Variants in JAM2 observed in about 807,000 individuals in gnomAD.
JAM2 encodes the protein junctional adhesion molecule B.
Under a neutral mutation model 42.0 loss-of-function variants are expected in JAM2, and 17 were observed. The ratio of observed to expected loss-of-function variants is 0.40; its 90% CI spans 0.28 to 0.61. The LOEUF is 0.61. Among genes scored for constraint, JAM2 ranks in the 20% least tolerant of loss-of-function variants. JAM2 has a pLI of 0.37. For missense variants in JAM2, 319 were observed against 358.3 expected (o/e 0.89, Z 0.89); for synonymous variants, 118 against 128.6 (o/e 0.92, Z 0.56).
At chr21:25,650,790 A>C (rs1456038783) in intron 1 of JAM2, among the ~76,000 whole-genome samples, 3 of 152,184 alleles carry the variant, frequency 2.0e-5, no homozygotes, top group Non-Finnish European at 4.4e-5. Context: ...TGAGATTGGT[A>C]CATGAATAGA....
intron 1 of JAM2, among the ~76,000 whole-genome samples, chr21:25,681,851 G>A (rs975198462): frequency 9.2e-5 from 14 of 152,082 alleles, no homozygotes; most frequent in African/African-American, 3.4e-4. Context: ...GCGTCGTGGC[G>A]GGCGCCTGTA....
intron 7 of JAM2, among the ~76,000 whole-genome samples, chr21:25,708,896 A>G (rs1421916237): frequency 6.6e-6 from 1 of 152,186 alleles, no homozygotes; most frequent in African/African-American, 2.4e-5. Flanking sequence ...TCTATCCAAG[A>G]GAAGCATATT....
At chr21:25,670,539 C>T (rs2033335761) in intron 1 of JAM2, among the ~76,000 whole-genome samples, 1 of 152,046 alleles carries the variant, frequency 6.6e-6, no homozygotes, top group Admixed American at 6.6e-5. Context: ...AAACTCATTT[C>T]CTGACCATTC....
At chr21:25,691,950 A>G (rs930167470) in intron 3 of JAM2, among the ~76,000 whole-genome samples, 1 of 152,062 alleles carries the variant, frequency 6.6e-6, no homozygotes, top group Non-Finnish European at 1.5e-5. Flanking sequence ...AATGGCTTGC[A>G]GTAAGCCAAG....
At position 25,702,183 on chromosome 21, in the gene JAM2, T is replaced by C; in HGVS notation, c.611T>C (p.Val204Ala). Residue 204 changes from valine (V) to alanine (A), a missense_variant, in exon 6 of 10, where the codon GTT becomes GCT. By Grantham distance (64) the Val-to-Ala change is moderately conservative. Transcript: ENST00000480456. ...TKTGTLQFNT[V>A]SKLDTGEYSC... ...ATCCACAAATAGCAATTTAATACTG[T>C]TTCCAAACTGGACACTGGAGAATAT... 6.4e-7 allele frequency: 1 copy of C among 1,574,168 alleles called. No individual in the cohort carries two copies. Among genetic ancestry groups the C allele is most frequent in the Non-Finnish European group, 8.7e-7 (1 of 1,150,138 alleles).
intron 1 of JAM2, among the ~76,000 whole-genome samples, chr21:25,672,162 C>G (rs1334516463): frequency 6.6e-6 from 1 of 151,462 alleles, no homozygotes. Context: ...GTTGCCCAAG[C>G]TTGTCTCAAA....
At chr21:25,659,169 G>C (rs1284606636) in intron 1 of JAM2, among the ~76,000 whole-genome samples, 3 of 151,664 alleles carry the variant, frequency 2.0e-5, no homozygotes, top group African/African-American at 7.3e-5. Context: ...ATTGGAAGGG[G>C]TTTATTATCC....
At chr21:25,698,572 C>A in intron 4 of JAM2, 105 bp from the exon 5 acceptor site, 1 of 919,936 alleles carries the variant, frequency 1.1e-6, no homozygotes, top group Non-Finnish European at 1.7e-6. Flanking sequence ...CTTTACCTGG[C>A]TATTAAAACC....
intron 1 of JAM2, among the ~76,000 whole-genome samples, chr21:25,653,412 G>C (rs2032836994): frequency 6.6e-6 from 1 of 152,172 alleles, no homozygotes; most frequent in African/African-American, 2.4e-5. Flanking sequence ...GTATTAGTCT[G>C]TTTTCACACT....
intron 5 of JAM2, among the ~76,000 whole-genome samples, chr21:25,701,445 CT>C (rs2034163449): frequency 6.6e-6 from 1 of 151,572 alleles, no homozygotes; most frequent in African/African-American, 2.4e-5. Context: ...CCCTCCCTCC[CT>C]CTCTTCTTTC....
At chr21:25,704,109 A>G (rs1383746522) in intron 6 of JAM2, among the ~76,000 whole-genome samples, 2 of 151,820 alleles carry the variant, frequency 1.3e-5, no homozygotes, top group Non-Finnish European at 2.9e-5. Flanking sequence ...TGCTTCATAG[A>G]TGTCAGATTT....
At chr21:25,680,093 T>G (rs2033593524) in intron 1 of JAM2, among the ~76,000 whole-genome samples, 1 of 152,208 alleles carries the variant, frequency 6.6e-6, no homozygotes, top group African/African-American at 2.4e-5. Flanking sequence ...ATGTTAGCTA[T>G]TATTATCCTT....
At chr21:25,678,685 C>A (rs2033556561) in intron 1 of JAM2, among the ~76,000 whole-genome samples, 1 of 152,174 alleles carries the variant, frequency 6.6e-6, no homozygotes. Context: ...TTCACATAGA[C>A]ACCACGTTTG....
chr21:25,685,079 T>C (rs1568906467), intron 2 of JAM2, among the ~76,000 whole-genome samples: 2 of 152,224 alleles, frequency 1.3e-5, no homozygotes, highest in East Asian at 3.9e-4. Flanking sequence ...CATCATCAGG[T>C]ATGTCTTAGG....
chr21:25,702,714 A>G (rs1191363204), intron 6 of JAM2, among the ~76,000 whole-genome samples: 2 of 152,226 alleles, frequency 1.3e-5, no homozygotes, highest in South Asian at 4.1e-4. Flanking sequence ...TTAAGTAATC[A>G]GAAAGTATCC....
chr21:25,662,878 A>C (rs920707380), intron 1 of JAM2, among the ~76,000 whole-genome samples: 1 of 152,208 alleles, frequency 6.6e-6, no homozygotes, highest in African/African-American at 2.4e-5. Flanking sequence ...ATCTTGTATC[A>C]AATAGTTCCA....
At chr21:25,675,125 G>A (rs1353724610) in intron 1 of JAM2, among the ~76,000 whole-genome samples, 1 of 152,058 alleles carries the variant, frequency 6.6e-6, no homozygotes, top group East Asian at 1.9e-4. Flanking sequence ...AAGGCGAAGG[G>A]GGCACAGGCG....
chr21:25,698,642 T>C (rs1403473670), intron 4 of JAM2, 35 bp from the exon 5 acceptor site: 1 of 1,557,338 alleles, frequency 6.4e-7, no homozygotes. Context: ...GATTAGCTTA[T>C]AAATAATCAA....
At chr21:25,664,528 C>T (rs985616673) in intron 1 of JAM2, among the ~76,000 whole-genome samples, 20 of 152,070 alleles carry the variant, frequency 1.3e-4, no homozygotes, top group African/African-American at 4.8e-4. Context: ...GCCACTGCGC[C>T]CAGCCCATGG....
Sources: allele counts gnomAD v4.1 joint callset (sites outside exome capture counted in the v4.1 genomes callset), GRCh38; gene constraint gnomAD v4.1.1; transcripts MANE v1.5; gene names NCBI Gene and HGNC (gene_info 2026-07-23, HGNC 2026-07-21).